The following TMTC1 variants were observed in gnomAD, a reference collection of about 807,000 sequenced individuals.
The protein encoded by TMTC1 is protein O-mannosyl-transferase TMTC1.
TMTC1 carries 73 observed loss-of-function variants against 104.8 expected under a neutral mutation model. That is an observed-to-expected ratio of 0.70 (90% CI 0.58 to 0.85). The LOEUF (loss-of-function observed/expected upper bound fraction) is 0.85, where lower values mean the gene tolerates loss of function less well. Among genes scored for constraint, TMTC1 ranks in the 40% least tolerant of loss-of-function variants. The pLI is 0.00. For synonymous variants in TMTC1, 434 were observed against 428.7 expected (o/e 1.01, Z -0.15); for missense variants, 1,035 against 1,096.1 (o/e 0.94, Z 0.79).
At chr12:29,526,929 A>G (rs920450590) in intron 11 of TMTC1, among the ~76,000 whole-genome samples, 11 of 152,328 alleles carry the variant, frequency 7.2e-5, no homozygotes, top group African/African-American at 2.6e-4. Context: ...TCATAAAAAC[A>G]TAACTCAAGG....
At chr12:29,578,968 T>C (rs77853156) in intron 8 of TMTC1, among the ~76,000 whole-genome samples, 2,635 of 152,300 alleles carry the variant, frequency 0.017, 63 homozygotes, top group East Asian at 0.055. Context: ...TTTCCATGGA[T>C]CACTTCCTTT....
At chr12:29,701,297 A>C (rs1221786411) in intron 5 of TMTC1, among the ~76,000 whole-genome samples, 4 of 152,140 alleles carry the variant, frequency 2.6e-5, no homozygotes, top group African/African-American at 9.7e-5. Flanking sequence ...CAGCTCCTGC[A>C]TCCTCGAAGT....
chr12:29,644,303 G>A (rs1216225027), intron 5 of TMTC1, among the ~76,000 whole-genome samples: 1 of 151,424 alleles, frequency 6.6e-6, no homozygotes, highest in East Asian at 1.9e-4. Flanking sequence ...ATATGCGGGA[G>A]CTAAGCTGTG....
chr12:29,512,021 T>C (rs1272653621), intron 17 of TMTC1, 22 bp downstream of exon 17: 1 of 1,609,896 alleles, frequency 6.2e-7, no homozygotes, highest in Non-Finnish European at 8.5e-7. Flanking sequence ...CCGGTCCACA[T>C]GGGAGTGAAT....
intron 7 of TMTC1, among the ~76,000 whole-genome samples, chr12:29,584,950 T>C (rs925651321): frequency 1.5e-4 from 23 of 150,652 alleles, no homozygotes; most frequent in Non-Finnish European, 4.4e-5. Context: ...TTTGGGTATA[T>C]ACCCAGTAAT....
chr12:29,760,832 ACT>A (rs558400270), intron 2 of TMTC1, among the ~76,000 whole-genome samples: 493 of 149,674 alleles, frequency 3.3e-3, no homozygotes, highest in African/African-American at 0.011. Context: ...TAATTATATA[ACT>A]CATTATAATC....
intron 5 of TMTC1, among the ~76,000 whole-genome samples, chr12:29,675,619 CACACACACACA>C (rs778871357): frequency 1.2e-5 from 1 of 80,008 alleles, no homozygotes; most frequent in Non-Finnish European, 2.4e-5. Context: ...CACACACACA[CACACACACACA>C]CCCTCCATGA....
At chr12:29,709,120 T>A (rs1941832003) in intron 5 of TMTC1, among the ~76,000 whole-genome samples, 1 of 152,202 alleles carries the variant, frequency 6.6e-6, no homozygotes, top group Non-Finnish European at 1.5e-5. Flanking sequence ...AAATACTCTA[T>A]TCCATCTATA....
rs1257653816 is a variant in TMTC1 at position 29,501,043 on chromosome 12, T to C, written c.*5803A>G. ...GTAAAAGCATTATGAAAAAAGAACATGATGCAAATCATTTCCCCCTGACAA... is the reference window on the plus strand; with the variant it reads ...GTAAAAGCATTATGAAAAAAGAACACGATGCAAATCATTTCCCCCTGACAA... On this transcript the variant is annotated 3_prime_UTR_variant, in exon 18 of 18. Coordinates refer to ENST00000539277, the MANE Select transcript of TMTC1 (RefSeq NM_001193451.2). 1.3e-5 allele frequency: 2 copies of C among 152,566 alleles called. No homozygotes were observed. The highest frequency in any genetic ancestry group is 2.4e-5 in the African/African-American group (1 of 41,442). 9.5% of individuals were successfully genotyped at this position (152,566 alleles called of 1,614,324 possible). A position where few individuals can be genotyped will look rare whatever the true frequency, so the allele number is the denominator to read the frequency against.
intron 15 of TMTC1, 66 bp from the exon 16 acceptor site, chr12:29,514,670 T>A: frequency 7.2e-6 from 11 of 1,526,742 alleles, no homozygotes; most frequent in Non-Finnish European, 9.7e-6. Context: ...ATTTAACTGA[T>A]CAAATTTATA....
rs139949166 is a variant in TMTC1, at chr12:29,622,113, C to T, written c.1128+11034G>A. On this transcript the variant is annotated intron_variant, in intron 6 of 17. Transcript: ENST00000539277. ...AGGGGAGAGACAGGACTTCCACTGC[C>T]CAATGTTCATTCTCAAAAGACATCT... Among the ~76,000 whole-genome samples the T allele has an allele frequency of 5.8e-4, 89 of 152,230 alleles. No individual in the cohort carries two copies. In the East Asian group the frequency reaches 0.012, roughly 21 times the overall value.
At chr12:29,751,156 T>G (rs1317240800) in intron 5 of TMTC1, among the ~76,000 whole-genome samples, 4 of 152,210 alleles carry the variant, frequency 2.6e-5, no homozygotes, top group Non-Finnish European at 4.4e-5. Flanking sequence ...GATAAATCCA[T>G]GCTAATTTTC....
At chr12:29,697,079 C>T (rs1006361313) in intron 5 of TMTC1, among the ~76,000 whole-genome samples, 1 of 152,138 alleles carries the variant, frequency 6.6e-6, no homozygotes, top group African/African-American at 2.4e-5. Context: ...CCAATTTATT[C>T]TCAGAACTTT....
intron 6 of TMTC1, among the ~76,000 whole-genome samples, chr12:29,626,431 T>C (rs888529538): frequency 2.0e-5 from 3 of 152,200 alleles, no homozygotes; most frequent in Admixed American, 2.0e-4. Context: ...ATGTAACTAA[T>C]TGGCATGCCA....
Position 29,770,913 on chromosome 12 carries a change from T to C in TMTC1, c.303-2838A>G, listed in dbSNP as rs566929956. Among the ~76,000 whole-genome samples, 22 of 152,250 alleles carry C rather than the reference T, an allele frequency of 1.4e-4. No individual in the cohort carries two copies. The South Asian group carries it at 2.1e-3, about 14-fold the overall frequency. On this transcript the variant is annotated intron_variant, in intron 1 of 17. Transcript: ENST00000539277. ...TTCACTGATTAACCTCATAATTTAA[T>C]AGAAAAGGGGATGTGATGCATGCAT...
At chr12:29,643,922 TATAA>T (rs1305298803) in intron 5 of TMTC1, among the ~76,000 whole-genome samples, 44 of 110,830 alleles carry the variant, frequency 4.0e-4, no homozygotes, top group South Asian at 2.9e-3. Flanking sequence ...TATAAATATA[TATAA>T]ATAAATATAT....
intron 6 of TMTC1, among the ~76,000 whole-genome samples, chr12:29,608,993 T>C (rs1011937507): frequency 1.3e-5 from 2 of 152,128 alleles, no homozygotes; most frequent in African/African-American, 4.8e-5. Context: ...GCCAGCAGTG[T>C]GTGGGTGTTA....
At chr12:29,636,475 T>C (rs946195525) in intron 5 of TMTC1, among the ~76,000 whole-genome samples, 2 of 152,126 alleles carry the variant, frequency 1.3e-5, no homozygotes, top group Admixed American at 6.6e-5. Context: ...AAAAAACAAA[T>C]ATAACAAAAA....
rs1314859619 is a variant in TMTC1, at chr12:29,506,159, A to G, written c.*687T>C. 6.6e-6 allele frequency: 1 copy of G among 152,196 alleles called. No individual in the cohort carries two copies. The highest frequency in any genetic ancestry group is 1.5e-5 in the Non-Finnish European group (1 of 68,028). 9.4% of individuals were successfully genotyped at this position (152,196 alleles called of 1,614,324 possible). A position where few individuals can be genotyped will look rare whatever the true frequency, so the allele number is the denominator to read the frequency against. ...TTAAAATAGTTTTAAACACTTCCATAAAGAATTAGGGGTGCCCAGCTCCTT... is the reference window on the plus strand; with the variant it reads ...TTAAAATAGTTTTAAACACTTCCATGAAGAATTAGGGGTGCCCAGCTCCTT... On this transcript the variant is annotated 3_prime_UTR_variant, in exon 18 of 18. Coordinates refer to ENST00000539277, the MANE Select transcript of TMTC1 (RefSeq NM_001193451.2).
Sources: gnomAD v4.1 joint callset for allele counts (sites outside exome capture counted in the v4.1 genomes callset) on GRCh38, gnomAD v4.1.1 for gene constraint, MANE v1.5 for transcripts, NCBI Gene and HGNC (gene_info 2026-07-23, HGNC 2026-07-21) for gene names.